Variants in PIDD1 observed in about 807,000 individuals in gnomAD.
PIDD1 encodes the protein p53-induced death domain-containing protein 1.
A neutral mutation model predicts 80.0 loss-of-function variants in PIDD1; 72 were observed. That is an observed-to-expected ratio of 0.90 (90% CI 0.74 to 1.09). The LOEUF is 1.09. Among genes scored for constraint, PIDD1 ranks in the 50% least tolerant of loss-of-function variants. The probability of loss-of-function intolerance (pLI) is 0.00; values close to 1 mark genes in which losing one functional copy is unlikely to be tolerated. For missense variants in PIDD1, 1,329 were observed against 1,228.3 expected (o/e 1.08, Z -1.23); for synonymous variants, 655 against 543.5 (o/e 1.21, Z -2.85).
intron 14 of PIDD1, 57 bp downstream of exon 14, chr11:800,074 C>T (rs778947606): frequency 3.0e-5 from 48 of 1,603,390 alleles, no homozygotes; most frequent in Non-Finnish European, 4.1e-5. Flanking sequence ...ACCATGTCAC[C>T]CTGGTCACCC....
rs767852155 is a variant in PIDD1 at position 799,983 on chromosome 11, C to T, written c.2306G>A (p.Gly769Glu). Residue 769 changes from glycine (G) to glutamate (E), a missense_variant, in exon 15 of 16, where the codon GGG (glycine) becomes GAG (glutamate). Gly to Glu is a moderately conservative substitution (Grantham distance 98). Transcript: ENST00000347755. Reference sequence around the variant, plus strand: ...CAAGGGTGCCAAGGAGAGGCCAGCCCCCCGCCGTGGCCCCTCGGACCCTCG... The same window carrying T: ...CAAGGGTGCCAAGGAGAGGCCAGCCTCCCGCCGTGGCCCCTCGGACCCTCG... ...RLRGSEGPRRGAGLSLAPLNL... is the reference protein window; with the variant it reads ...RLRGSEGPRREAGLSLAPLNL... 9.9e-6 allele frequency: 16 copies of T among 1,612,844 alleles called. No homozygotes were observed. Among genetic ancestry groups the T allele is most frequent in the Non-Finnish European group, 3.4e-6 (4 of 1,179,942 alleles).
At chr11:801,803 C>T (rs1436012597) in intron 7 of PIDD1, 162 bp downstream of exon 7, 1 of 1,030,828 alleles carries the variant, frequency 9.7e-7, no homozygotes, top group Admixed American at 2.1e-5. Context: ...AAGCAGGATC[C>T]AGGAGGGACG....
upstream of PIDD1, chr11:805,239 C>G (rs936064196): frequency 2.0e-6 from 2 of 982,672 alleles, no homozygotes; most frequent in South Asian, 4.7e-5. Flanking sequence ...CCTGGGATCC[C>G]GCCGGCGCGT....
upstream of PIDD1, chr11:805,753 T>C (rs760091418): frequency 8.0e-4 from 688 of 863,950 alleles, no homozygotes; most frequent in Middle Eastern, 4.8e-3. Context: ...CCAGAAGCAG[T>C]GAGCCTCCTG....
At position 799,536 on chromosome 11, in the gene PIDD1, A is replaced by G. The variant is rs1166259375; in HGVS notation, c.2504T>C (p.Met835Thr). 6.2e-7 allele frequency: 1 copy of G among 1,603,232 alleles called. No homozygotes were observed. Among genetic ancestry groups the G allele is most frequent in the South Asian group, 1.1e-5 (1 of 91,016 alleles). The change falls in exon 16 of 16, where the codon ATG (methionine) becomes ACG (threonine). Residue 835 changes from methionine to threonine, a missense_variant. Met to Thr is a moderately conservative substitution (Grantham distance 81). Transcript: ENST00000347755. ...RDDLDEQIRH[M>T]LFSWAERQAG... Reference sequence around the variant, plus strand: ...CTGGCGCTCAGCCCAGGAGAAGAGCATGTGACGGATCTGCTCATCCAGATC... The same window carrying G: ...CTGGCGCTCAGCCCAGGAGAAGAGCGTGTGACGGATCTGCTCATCCAGATC...
Position 802,052 on chromosome 11 carries a change from G to A in PIDD1, c.1215C>T (p.Ala405=), listed in dbSNP as rs771847521. The A allele has an allele frequency of 6.3e-7, 1 of 1,585,290 alleles. No individual in the cohort carries two copies. The highest frequency in any genetic ancestry group is 1.3e-5 in the African/African-American group (1 of 74,580). Residue 405 remains alanine, a synonymous_variant, in exon 7 of 16, where the codon GCC becomes GCT. Coordinates refer to ENST00000347755, the MANE Select transcript of PIDD1 (RefSeq NM_145886.4). The stretch of plus-strand genomic sequence containing the variant: ...TGACCACCACTTCACGGCAGCGCCG[G>A]GCCTGCGGTGGGGTGAAGAGCAGCC... The part of the protein sequence containing the change: ...GLWLLFTPPQ[A]RRCREVVVRT...
chr11:808,039 CA>C (rs1470518467), upstream of PIDD1, among the ~76,000 whole-genome samples: 2 of 151,962 alleles, frequency 1.3e-5, no homozygotes, highest in Non-Finnish European at 2.9e-5. Flanking sequence ...TTGTCAAAAT[CA>C]TAGGAAGAGA....
intron 7 of PIDD1, 163 bp downstream of exon 7, chr11:801,802 C>G: frequency 9.7e-7 from 1 of 1,025,918 alleles, no homozygotes; most frequent in Non-Finnish European, 1.4e-6. Flanking sequence ...GAAGCAGGAT[C>G]CAGGAGGGAC....
intron 6 of PIDD1, 28 bp downstream of exon 6, chr11:802,167 C>T (rs1350010901): frequency 1.3e-6 from 2 of 1,571,952 alleles, no homozygotes; most frequent in East Asian, 4.7e-5. Flanking sequence ...CTGGCCCACA[C>T]ACTGCCCCCG....
Position 800,313 on chromosome 11 carries a change from C to T in PIDD1, c.2160+20G>A, listed in dbSNP as rs1175706287. On this transcript the variant is annotated intron_variant, in intron 13 of 15. Transcript: ENST00000347755. Reference sequence around the variant, plus strand: ...AAGCGGCCTGGGGGGCCTCTCCCCTCACCCACTCCCCTCGCCCACCTGGCC... The same window carrying T: ...AAGCGGCCTGGGGGGCCTCTCCCCTTACCCACTCCCCTCGCCCACCTGGCC... The T allele has an allele frequency of 1.9e-6, 3 of 1,612,736 alleles. No homozygotes were observed. Among genetic ancestry groups the T allele is most frequent in the African/African-American group, 2.7e-5 (2 of 75,064 alleles).
chr11:800,085 CT>C lies in PIDD1; in HGVS notation c.2274+45del, dbSNP rs767454364. On this transcript the variant is annotated intron_variant, in intron 14 of 15. Transcript: ENST00000347755. ...CTCCACCATGTCACCCTGGTCACCC[CT>C]GGGCCTCGGTCCTGCCCCGCCCCTC... 51 of 1,605,006 alleles carry C rather than the reference CT, an allele frequency of 3.2e-5. 1 individual carries two copies. The highest frequency in any genetic ancestry group is 4.3e-5 in the Non-Finnish European group (50 of 1,174,064).
chr11:805,658 A>T (rs1368934150), upstream of PIDD1: 14 of 985,314 alleles, frequency 1.4e-5, no homozygotes, highest in Non-Finnish European at 1.6e-5. Context: ...TTTCCAAACC[A>T]GCCCAAACGG....
At chr11:807,503 C>T (rs576095596), upstream of PIDD1, among the ~76,000 whole-genome samples, 12 of 151,380 alleles carry the variant, frequency 7.9e-5, no homozygotes, top group East Asian at 1.9e-3. Context: ...ATAGGCCGGG[C>T]GTGGTGGCTC....
At chr11:803,672 C>A in intron 2 of PIDD1, 85 bp from the exon 3 acceptor site, 1 of 1,487,514 alleles carries the variant, frequency 6.7e-7, no homozygotes, top group Non-Finnish European at 9.1e-7. Context: ...AACAGCTGCT[C>A]GAGAGGCACA....
At position 803,457 on chromosome 11, in the gene PIDD1, G is replaced by A. The variant is rs1445840132; in HGVS notation, c.426C>T (p.Ala142=). 13 of 1,613,740 alleles carry A rather than the reference G, an allele frequency of 8.1e-6. No homozygotes were observed. In the Admixed American group the frequency reaches 2.0e-4, roughly 25 times the overall value. The part of the protein sequence containing the change: ...LSFNSLETLP[A]CVLQMRGLGA... ...CCAGACCTCGCATCTGCAGGACACA[G>A]GCCGGCAGTGTCTCCAGGCTGTTGA... Residue 142 remains alanine, a synonymous_variant, in exon 3 of 16, where the codon GCC becomes GCT. Transcript: ENST00000347755.
At position 800,210 on chromosome 11, in the gene PIDD1, A is replaced by T. The variant is rs1865147998; in HGVS notation, c.2195T>A (p.Val732Glu). ...SFYRGAVPVR[V>E]PEEAEAARQR... Reference sequence around the variant, plus strand: ...CCGGGCAGCCTCAGCCTCCTCGGGCACCCGCACAGGCACCGCGCCACGGTA... The same window carrying T: ...CCGGGCAGCCTCAGCCTCCTCGGGCTCCCGCACAGGCACCGCGCCACGGTA... Residue 732 changes from valine to glutamate, a missense_variant, in exon 14 of 16, where the codon GTG becomes GAG. Transcript: ENST00000347755. 1 of 1,610,398 alleles carries T rather than the reference A, an allele frequency of 6.2e-7. No individual in the cohort carries two copies. Among genetic ancestry groups the T allele is most frequent in the Admixed American group, 1.7e-5 (1 of 59,910 alleles).
chr11:807,260 G>A (rs1865827710), upstream of PIDD1, among the ~76,000 whole-genome samples: 1 of 151,950 alleles, frequency 6.6e-6, no homozygotes, highest in Non-Finnish European at 1.5e-5. Context: ...GGAGGCCGAG[G>A]CGGGTGGATC....
chr11:801,254 C>A lies in PIDD1; in HGVS notation c.1594G>T (p.Val532Phe). ...QSGPPSFLQP[V>F]TVQLPLPSGI... Reference sequence around the variant, plus strand: ...GAGGGCAGAGGCAGCTGCACGGTGACCGGTTGGAGGAAGCTGGGGGGACCG... The same window carrying A: ...GAGGGCAGAGGCAGCTGCACGGTGAACGGTTGGAGGAAGCTGGGGGGACCG... Residue 532 changes from valine to phenylalanine, a missense_variant, in exon 9 of 16, where the codon GTC becomes TTC. Val to Phe is a conservative substitution (Grantham distance 50). Transcript: ENST00000347755. 1.3e-6 allele frequency: 2 copies of A among 1,569,892 alleles called. No individual in the cohort carries two copies. Among genetic ancestry groups the A allele is most frequent in the Non-Finnish European group, 1.7e-6 (2 of 1,155,650 alleles).
At chr11:803,954 G>C in intron 2 of PIDD1, 140 bp downstream of exon 2, 1 of 934,038 alleles carries the variant, frequency 1.1e-6, no homozygotes, top group Non-Finnish European at 1.6e-6. Flanking sequence ...ACAGGACCAA[G>C]AGCAGAACAG....
Sources: allele counts gnomAD v4.1 joint callset (sites outside exome capture counted in the v4.1 genomes callset), GRCh38; gene constraint gnomAD v4.1.1; transcripts MANE v1.5; gene names NCBI Gene and HGNC (gene_info 2026-07-23, HGNC 2026-07-21).